Variants in INVS observed in about 807,000 individuals in gnomAD.
INVS encodes inversin, also known as inversion of embryo turning homolog.
Under a neutral mutation model 108.8 loss-of-function variants are expected in INVS, and 86 were observed. The ratio of observed to expected loss-of-function variants is 0.79; its 90% CI spans 0.66 to 0.95. The LOEUF (loss-of-function observed/expected upper bound fraction) is 0.95, where lower values mean the gene tolerates loss of function less well. Ranked by LOEUF, INVS falls within the 40% of genes least tolerant of loss-of-function variation. The probability of loss-of-function intolerance (pLI) is 0.00; values close to 1 mark genes in which losing one functional copy is unlikely to be tolerated. For missense variants in INVS, 1,169 were observed against 1,297.4 expected, an observed-to-expected ratio of 0.90 and a Z score of 1.52; for synonymous variants, 455 against 473.5, an observed-to-expected ratio of 0.96 and a Z score of 0.51.
At chr9:100,284,290 T>G (rs1456225319) in intron 12 of INVS, 30 bp from the exon 13 acceptor site, 1 of 1,612,814 alleles carries the variant, frequency 6.2e-7, no homozygotes, top group East Asian at 2.2e-5. Context: ...CTTTAAATTT[T>G]TTCATCTTCT....
At chr9:100,106,432 C>T (rs1401605400) in intron 2 of INVS, among the ~76,000 whole-genome samples, 2 of 152,156 alleles carry the variant, frequency 1.3e-5, no homozygotes, top group East Asian at 3.8e-4. Context: ...AATCCCATCT[C>T]TGTTTCTTCA....
chr9:100,100,913 T>A (rs1210015531), intron 1 of INVS, among the ~76,000 whole-genome samples: 9 of 42,438 alleles, frequency 2.1e-4, no homozygotes, highest in African/African-American at 8.7e-4. Context: ...GTATATATAT[T>A]ATATGTATAT....
intron 3 of INVS, among the ~76,000 whole-genome samples, chr9:100,172,905 A>G (rs1444381573): frequency 6.6e-6 from 1 of 152,206 alleles, no homozygotes; most frequent in Non-Finnish European, 1.5e-5. Context: ...ATGAAAGCCC[A>G]GTGATAATCA....
intron 5 of INVS, among the ~76,000 whole-genome samples, chr9:100,232,450 C>T (rs561610970): frequency 1.8e-4 from 28 of 152,082 alleles, no homozygotes; most frequent in African/African-American, 5.8e-4. Flanking sequence ...TGAATGGTAT[C>T]GCCTAGGTTT....
chr9:100,232,441 G>T (rs555150038), intron 5 of INVS, among the ~76,000 whole-genome samples: 1 of 152,108 alleles, frequency 6.6e-6, no homozygotes, highest in Non-Finnish European at 1.5e-5. Context: ...CCTATGTCCT[G>T]AATGGTATCG....
At chr9:100,189,106 C>CTTTTTTTTTTTTTTTTTT (rs60762136) in intron 3 of INVS, among the ~76,000 whole-genome samples, 13 of 69,560 alleles carry the variant, frequency 1.9e-4, no homozygotes, top group African/African-American at 5.4e-4. Context: ...TTTGCATCTT[C>CTTTTTTTTTTTTTTTTTT]TTTTTTTTTT....
chr9:100,265,506 C>T (rs762446752), intron 11 of INVS, among the ~76,000 whole-genome samples: 4 of 152,188 alleles, frequency 2.6e-5, no homozygotes, highest in Non-Finnish European at 5.9e-5. Flanking sequence ...TTTAGTCCTG[C>T]TTCTGACTTC....
intron 3 of INVS, among the ~76,000 whole-genome samples, chr9:100,216,900 C>T (rs369236307): frequency 6.6e-6 from 1 of 152,176 alleles, no homozygotes. Flanking sequence ...TGGGGTCACT[C>T]GCCCCTTAAC....
intron 3 of INVS, among the ~76,000 whole-genome samples, chr9:100,166,657 A>G (rs546297752): frequency 6.6e-6 from 1 of 152,376 alleles, no homozygotes; most frequent in African/African-American, 2.4e-5. Context: ...GTTCACCTGT[A>G]TGATACTGGT....
At chr9:100,281,215 T>C (rs1222564165) in intron 12 of INVS, among the ~76,000 whole-genome samples, 1 of 152,212 alleles carries the variant, frequency 6.6e-6, no homozygotes, top group African/African-American at 2.4e-5. Flanking sequence ...CGTTCTATCT[T>C]GGCTCTGTCT....
intron 7 of INVS, among the ~76,000 whole-genome samples, chr9:100,244,012 AAAATAAAT>A (rs749238339): frequency 6.6e-6 from 1 of 152,104 alleles, no homozygotes; most frequent in Non-Finnish European, 1.5e-5. Flanking sequence ...CTTCATCTCA[AAAATAAAT>A]AAATAAATAA....
chr9:100,297,386 G>A (rs566576360), intron 15 of INVS, among the ~76,000 whole-genome samples: 9 of 152,076 alleles, frequency 5.9e-5, no homozygotes, highest in East Asian at 1.9e-4. Flanking sequence ...GTTTGGTTTC[G>A]TGAGGCATTC....
chr9:100,121,793 T>C (rs1410424035), intron 2 of INVS, among the ~76,000 whole-genome samples: 2 of 152,164 alleles, frequency 1.3e-5, no homozygotes, highest in African/African-American at 2.4e-5. Context: ...GAAGCATAGA[T>C]AATTGATTTG....
At chr9:100,158,444 C>T (rs1246155007) in intron 3 of INVS, among the ~76,000 whole-genome samples, 1 of 152,140 alleles carries the variant, frequency 6.6e-6, no homozygotes, top group African/African-American at 2.4e-5. Flanking sequence ...AGTCCCTGCT[C>T]ATTTATTTAT....
At chr9:100,135,351 A>G (rs1302103486) in intron 3 of INVS, among the ~76,000 whole-genome samples, 1 of 152,132 alleles carries the variant, frequency 6.6e-6, no homozygotes, top group Non-Finnish European at 1.5e-5. Context: ...GGGTTCTTAG[A>G]TGAACATGCA....
intron 3 of INVS, among the ~76,000 whole-genome samples, chr9:100,159,902 C>T (rs1471476034): frequency 2.0e-5 from 3 of 152,248 alleles, no homozygotes; most frequent in Admixed American, 6.5e-5. Flanking sequence ...GTTGTCATCA[C>T]ACTTGACCGT....
chr9:100,182,036 A>G (rs1400398156), intron 3 of INVS, among the ~76,000 whole-genome samples: 2 of 152,184 alleles, frequency 1.3e-5, no homozygotes, highest in Admixed American at 6.6e-5. Flanking sequence ...TATTTAATAA[A>G]TGGTGTTGGG....
intron 12 of INVS, among the ~76,000 whole-genome samples, chr9:100,281,750 C>G (rs1049211142): frequency 1.4e-5 from 2 of 145,844 alleles, no homozygotes; most frequent in Non-Finnish European, 3.0e-5. Context: ...TGGTATCCCC[C>G]CTCCAAAGCA....
chr9:100,100,917 T>G (rs1826925093), intron 1 of INVS, among the ~76,000 whole-genome samples: 1 of 37,400 alleles, frequency 2.7e-5, no homozygotes, highest in Admixed American at 4.8e-4. Context: ...ATATATTATA[T>G]GTATATATAT....
Sources: gnomAD v4.1 joint callset for allele counts (sites outside exome capture counted in the v4.1 genomes callset) on GRCh38, gnomAD v4.1.1 for gene constraint, MANE v1.5 for transcripts, NCBI Gene and HGNC (gene_info 2026-07-23, HGNC 2026-07-21) for gene names.